FOXK1: variants seen among roughly 807,000 people sequenced by gnomAD.
The protein encoded by FOXK1 is forkhead box protein K1.
In FOXK1, 19 loss-of-function variants were observed where a neutral mutation model predicts 51.9. The ratio of observed to expected loss-of-function variants is 0.37; its 90% CI spans 0.26 to 0.54. The LOEUF (loss-of-function observed/expected upper bound fraction) is 0.54. Ranked by LOEUF, FOXK1 falls within the 20% of genes least tolerant of loss-of-function variation. FOXK1 has a pLI of 0.87. For missense variants in FOXK1, 870 were observed against 1,032.7 expected (o/e 0.84, Z 2.16); for synonymous variants, 537 against 482.6 (o/e 1.11, Z -1.48).
rs1780438786 is a variant in FOXK1, at chr7:4,730,635, T to A, written c.561-10203T>A. On this transcript the variant is annotated intron_variant, in intron 1 of 8. Coordinates refer to ENST00000328914, the MANE Select transcript of FOXK1 (RefSeq NM_001037165.2). The surrounding 1 kb of genome is among the most constrained non-coding windows in gnomAD (Gnocchi z 4.7). ...GCCGCCACACTTGAGACGTCCTTGCTGCGGGTTCGTCTGTAACCTGTGTCC... is the reference window on the plus strand; with the variant it reads ...GCCGCCACACTTGAGACGTCCTTGCAGCGGGTTCGTCTGTAACCTGTGTCC... 6.6e-6 allele frequency among the ~76,000 whole-genome samples: 1 copy of A among 152,224 alleles called. No homozygotes were observed. Among genetic ancestry groups the A allele is most frequent in the Non-Finnish European group, 1.5e-5 (1 of 68,026 alleles).
chr7:4,728,530 C>G (rs1298281513), intron 1 of FOXK1, among the ~76,000 whole-genome samples: 1 of 152,030 alleles, frequency 6.6e-6, no homozygotes, highest in African/African-American at 2.4e-5. Context: ...TGTACTGACC[C>G]TCTGCCCTGT....
rs116349467 is a variant in FOXK1, at chr7:4,718,581, G to A, written c.561-22257G>A. On this transcript the variant is annotated intron_variant, in intron 1 of 8. Coordinates refer to ENST00000328914, the MANE Select transcript of FOXK1 (RefSeq NM_001037165.2). ...GAGCAACCATGCTTAGGTTTTGAGCGGACCTAGGTTTCCCTCGTCAGGGTG... is the reference window on the plus strand; with the variant it reads ...GAGCAACCATGCTTAGGTTTTGAGCAGACCTAGGTTTCCCTCGTCAGGGTG... 3.4e-3 allele frequency among the ~76,000 whole-genome samples: 514 copies of A among 152,268 alleles called. 4 individuals are homozygous for A. The highest frequency in any genetic ancestry group is 0.012 in the African/African-American group (497 of 41,548).
rs1780118087 is a variant in FOXK1, at chr7:4,707,562, A to G, written c.560+24694A>G. Among the ~76,000 whole-genome samples the G allele has an allele frequency of 6.6e-6, 1 of 151,998 alleles. No individual in the cohort carries two copies. The highest frequency in any genetic ancestry group is 2.4e-5 in the African/African-American group (1 of 41,372). On this transcript the variant is annotated intron_variant, in intron 1 of 8. Coordinates refer to ENST00000328914, the MANE Select transcript of FOXK1 (RefSeq NM_001037165.2). The surrounding 1 kb of genome is among the most constrained non-coding windows in gnomAD (Gnocchi z 4.1). ...AGAGGGTGGGTGTGGGAGTCGGTGA[A>G]TTGTCTCTTACGCCTTCCTTTCCGG...
rs141919434 is a variant in FOXK1, at chr7:4,761,230, C to T, written c.1863C>T (p.Ala621=). 50 of 1,613,146 alleles carry T rather than the reference C, an allele frequency of 3.1e-5. No individual in the cohort carries two copies. Among genetic ancestry groups the T allele is most frequent in the African/African-American group, 2.5e-4 (19 of 75,054 alleles). Residue 621 remains alanine, a synonymous_variant, in exon 8 of 9, where the codon GCC becomes GCT. Coordinates refer to ENST00000328914, the MANE Select transcript of FOXK1 (RefSeq NM_001037165.2). The surrounding 1 kb of genome is among the most constrained non-coding windows in gnomAD (Gnocchi z 6.2). ...GGCAGCACCACCTTCCAGTCCGGGC[C>T]GTGACCCAGAACGGAAAGCATGCGG... is the stretch of plus-strand genomic sequence containing the variant. ...TLGQHHLPVR[A]VTQNGKHAVP... is the part of the protein sequence containing the mutation.
intron 1 of FOXK1, among the ~76,000 whole-genome samples, chr7:4,719,365 C>T (rs1780280039): frequency 6.6e-6 from 1 of 152,096 alleles, no homozygotes; most frequent in Non-Finnish European, 1.5e-5. Flanking sequence ...TGGTTGCAAA[C>T]TCAGCCTCAA....
intron 7 of FOXK1, among the ~76,000 whole-genome samples, chr7:4,760,363 AG>A (rs1445689969): frequency 6.6e-6 from 1 of 152,212 alleles, no homozygotes; most frequent in Non-Finnish European, 1.5e-5. Flanking sequence ...GCCTGCAGTT[AG>A]GCAGCGCCCT....
rs76262320 is a variant in FOXK1, at chr7:4,711,913, G to A, written c.561-28925G>A. Among the ~76,000 whole-genome samples the A allele has an allele frequency of 0.024, 3,682 of 152,264 alleles. 140 individuals are homozygous for A. Among genetic ancestry groups the A allele is most frequent in the African/African-American group, 0.084 (3,477 of 41,538 alleles). On this transcript the variant is annotated intron_variant, in intron 1 of 8. Transcript: ENST00000328914. The surrounding 1 kb of genome is among the most constrained non-coding windows in gnomAD (Gnocchi z 6.3). The stretch of plus-strand genomic sequence containing the variant: ...AGAACTTGATGGACTATGACTCAAG[G>A]TTGAGATGGGGCAGGGACTCCGGGG...
At chr7:4,713,532 G>A (rs1045594894) in intron 1 of FOXK1, among the ~76,000 whole-genome samples, 4 of 149,954 alleles carry the variant, frequency 2.7e-5, no homozygotes, top group Non-Finnish European at 5.9e-5. Context: ...TTGCTCTGTC[G>A]CCAGGCTGGA....
At chr7:4,719,736 CCT>C (rs1780285105) in intron 1 of FOXK1, among the ~76,000 whole-genome samples, 1 of 152,168 alleles carries the variant, frequency 6.6e-6, no homozygotes, top group Non-Finnish European at 1.5e-5. Context: ...CCCGCTTTGG[CCT>C]CTCAAGGTGC....
chr7:4,737,690 C>T (rs79963998), intron 1 of FOXK1, among the ~76,000 whole-genome samples: 1 of 152,306 alleles, frequency 6.6e-6, no homozygotes, highest in South Asian at 2.1e-4. Flanking sequence ...CCCCAAACCT[C>T]TTTCCTTGCT....
At position 4,765,074 on chromosome 7, in the gene FOXK1, AG is replaced by A. The variant is rs1780992529; in HGVS notation, c.*2613del. The A allele has an allele frequency of 6.5e-6, 1 of 152,914 alleles. No individual in the cohort carries two copies. Among genetic ancestry groups the A allele is most frequent in the African/African-American group, 2.4e-5 (1 of 41,566 alleles). The allele number at this position is 152,914 out of a possible 1,614,324, so 9.5% of individuals were successfully genotyped here. ...TCTAGCTTCTGCGGGGACTGCAAAG[AG>A]GGATGAAGGGACGTGGTCCTAGGGG... On this transcript the variant is annotated 3_prime_UTR_variant, in exon 9 of 9. Transcript: ENST00000328914.
chr7:4,693,389 T>G (rs538682762), intron 1 of FOXK1, among the ~76,000 whole-genome samples: 1 of 152,354 alleles, frequency 6.6e-6, no homozygotes, highest in Non-Finnish European at 1.5e-5. Context: ...TAGAGCAGTT[T>G]TAGGTTCACA....
chr7:4,721,802 G>A (rs1325481605), intron 1 of FOXK1, among the ~76,000 whole-genome samples: 14 of 151,418 alleles, frequency 9.2e-5, no homozygotes, highest in Admixed American at 7.2e-4. Context: ...TATTGACCAG[G>A]CTGGTCTTGA....
In FOXK1 at chr7:4,762,574, C is replaced by A; in HGVS notation, c.*110C>A. The A allele has an allele frequency of 8.8e-7, 1 of 1,137,246 alleles. No individual in the cohort carries two copies. The highest frequency in any genetic ancestry group is 1.2e-6 in the Non-Finnish European group (1 of 822,900). The allele number at this position is 1,137,246 out of a possible 1,614,324, so 70.4% of individuals were successfully genotyped here. Reference sequence around the variant, plus strand: ...ACGGAGGAGAACAGCCCGCGGCGGCCTGTGGGCATCGGCGGCACCTGGACA... The same window carrying A: ...ACGGAGGAGAACAGCCCGCGGCGGCATGTGGGCATCGGCGGCACCTGGACA... On this transcript the variant is annotated 3_prime_UTR_variant, in exon 9 of 9. Transcript: ENST00000328914. The surrounding 1 kb of genome is among the most constrained non-coding windows in gnomAD (Gnocchi z 5.7).
Position 4,733,769 on chromosome 7 carries a change from G to C in FOXK1, c.561-7069G>C, listed in dbSNP as rs771873207. Among the ~76,000 whole-genome samples the C allele has an allele frequency of 1.3e-5, 2 of 152,224 alleles. No individual in the cohort carries two copies. The highest frequency in any genetic ancestry group is 6.5e-5 in the Admixed American group (1 of 15,288). ...TCTGGCCCTTGCTCTTGGGTCTGCT[G>C]TTTCTCTCACGGGAGAGGCTGCTCT... On this transcript the variant is annotated intron_variant, in intron 1 of 8. Coordinates refer to ENST00000328914, the MANE Select transcript of FOXK1 (RefSeq NM_001037165.2). This position sits in a 1 kb window ranked among gnomAD's most constrained non-coding sequence, Gnocchi z 5.0.
Position 4,762,036 on chromosome 7 carries a change from G to A in FOXK1, c.1922-148G>A. 1.1e-6 allele frequency: 1 copy of A among 907,960 alleles called. No individual in the cohort carries two copies. The highest frequency in any genetic ancestry group is 1.6e-6 in the Non-Finnish European group (1 of 611,726). 56.2% of individuals were successfully genotyped at this position (907,960 alleles called of 1,614,324 possible). The stretch of plus-strand genomic sequence containing the variant: ...GGGAGGGGACGGCAGGGCCCGCAGG[G>A]AGCAGAGCAAGGGTAGCCGTCCTGC... On this transcript the variant is annotated intron_variant, in intron 8 of 8. Coordinates refer to ENST00000328914, the MANE Select transcript of FOXK1 (RefSeq NM_001037165.2). This position sits in a 1 kb window ranked among gnomAD's most constrained non-coding sequence, Gnocchi z 5.7.
At position 4,770,869 on chromosome 7, in the gene FOXK1, GT is replaced by G. The variant is rs1781089530; in HGVS notation, c.*8406del. ...GGGAGGGGCGGGTGTTGTTCGGTGT[GT>G]GTGTGTGTGTGTGTGTGTGTGTGTG... On this transcript the variant is annotated 3_prime_UTR_variant, in exon 9 of 9. Transcript: ENST00000328914. 1 of 43,068 alleles carries G rather than the reference GT, an allele frequency of 2.3e-5. No individual in the cohort carries two copies. The highest frequency in any genetic ancestry group is 5.8e-5 in the Non-Finnish European group (1 of 17,304). 2.7% of individuals were successfully genotyped at this position (43,068 alleles called of 1,614,324 possible).
chr7:4,694,081 C>G (rs1779924214), intron 1 of FOXK1, among the ~76,000 whole-genome samples: 1 of 151,884 alleles, frequency 6.6e-6, no homozygotes, highest in Non-Finnish European at 1.5e-5. Flanking sequence ...AGACCAGTGT[C>G]TCACTATGTT....
intron 1 of FOXK1, among the ~76,000 whole-genome samples, chr7:4,727,157 G>A (rs1780390874): frequency 6.6e-6 from 1 of 151,856 alleles, no homozygotes; most frequent in Non-Finnish European, 1.5e-5. Flanking sequence ...TCACTCTGTT[G>A]CCCAGGCTGG....
Sources: allele counts gnomAD v4.1 joint callset (sites outside exome capture counted in the v4.1 genomes callset), GRCh38; gene constraint gnomAD v4.1.1; non-coding constraint Gnocchi (gnomAD v3.1); transcripts MANE v1.5; gene names NCBI Gene and HGNC (gene_info 2026-07-23, HGNC 2026-07-21).